CDC42BPB: variants seen among roughly 807,000 people sequenced by gnomAD.
CDC42BPB encodes the protein serine/threonine-protein kinase MRCK beta.
CDC42BPB carries 37 observed loss-of-function variants against 214.9 expected under a neutral mutation model. The ratio of observed to expected loss-of-function variants is 0.17; its 90% confidence interval spans 0.13 to 0.23. The LOEUF (loss-of-function observed/expected upper bound fraction) is 0.23, where lower values mean the gene tolerates loss of function less well. Among genes scored for constraint, CDC42BPB ranks in the 10% least tolerant of loss-of-function variants. The pLI, the probability that CDC42BPB is intolerant of heterozygous loss-of-function variation, is 1.00. For missense variants in CDC42BPB, 1,694 were observed against 2,227.0 expected (o/e 0.76, Z 4.82); for synonymous variants, 931 against 884.0 (o/e 1.05, Z -0.94).
intron 1 of CDC42BPB, among the ~76,000 whole-genome samples, chr14:103,054,012 T>C (rs1371761642): frequency 5.3e-5 from 8 of 151,912 alleles, no homozygotes. Flanking sequence ...AGCTAATTTT[T>C]ATATTTTTAT....
At chr14:103,019,025 C>T (rs1886624798) in intron 1 of CDC42BPB, among the ~76,000 whole-genome samples, 1 of 152,130 alleles carries the variant, frequency 6.6e-6, no homozygotes, top group Non-Finnish European at 1.5e-5. Context: ...CTCACTGCAG[C>T]CTCCACTTCC....
intron 8 of CDC42BPB, among the ~76,000 whole-genome samples, chr14:102,979,199 T>G (rs150953854): frequency 5.3e-5 from 8 of 151,686 alleles, no homozygotes; most frequent in African/African-American, 1.9e-4. Context: ...TCGGTGCAAA[T>G]AGATTTAACT....
At chr14:102,946,077 C>T (rs1270250489) in intron 28 of CDC42BPB, among the ~76,000 whole-genome samples, 11 of 151,768 alleles carry the variant, frequency 7.2e-5, no homozygotes, top group Non-Finnish European at 1.3e-4. Context: ...GGTGTGATCT[C>T]GGCTCACTGT....
At chr14:102,964,689 T>A in intron 18 of CDC42BPB, 39 bp from the exon 19 acceptor site, 1 of 1,566,006 alleles carries the variant, frequency 6.4e-7, no homozygotes, top group East Asian at 2.3e-5. Flanking sequence ...GCATTTTCAG[T>A]TATCCGCTTG....
rs146960467 is a variant in CDC42BPB at position 103,034,236 on chromosome 14, G to A, written c.176-22048C>T. Among the ~76,000 whole-genome samples the A allele has an allele frequency of 4.4e-4, 67 of 152,292 alleles. 2 individuals are homozygous for A. In the East Asian group the frequency reaches 0.012, roughly 28 times the overall value. On this transcript the variant is annotated intron_variant, in intron 1 of 36. Coordinates refer to ENST00000361246, the MANE Select transcript of CDC42BPB (RefSeq NM_006035.4). Reference sequence around the variant, plus strand: ...AAACTTTATTTTTAAAAACATTTAAGGCCAGGCGTGATGGCTCATGCCTAT... The same window carrying A: ...AAACTTTATTTTTAAAAACATTTAAAGCCAGGCGTGATGGCTCATGCCTAT...
At chr14:103,048,348 A>AGCCTG (rs1022885454) in intron 1 of CDC42BPB, among the ~76,000 whole-genome samples, 9 of 151,924 alleles carry the variant, frequency 5.9e-5, no homozygotes, top group African/African-American at 1.9e-4. Flanking sequence ...GTTCAAGATC[A>AGCCTG]GCCTGGCCAA....
At chr14:103,042,180 C>CA (rs1888037979) in intron 1 of CDC42BPB, 1 of 157,098 alleles carries the variant, frequency 6.4e-6, no homozygotes, top group African/African-American at 2.4e-5. Context: ...ACCTGTGCTT[C>CA]AAAGGATACC....
At chr14:103,047,279 C>CTCAA (rs1566926227) in intron 1 of CDC42BPB, among the ~76,000 whole-genome samples, 48 of 93,454 alleles carry the variant, frequency 5.1e-4, no homozygotes, top group African/African-American at 1.3e-3. Context: ...GTAATACTCT[C>CTCAA]AAAAAAAAAA....
intron 1 of CDC42BPB, among the ~76,000 whole-genome samples, chr14:103,028,126 T>C (rs1008760738): frequency 1.3e-5 from 2 of 152,024 alleles, no homozygotes; most frequent in South Asian, 2.1e-4. Context: ...CAAGACTCCT[T>C]CTCAAAAATA....
chr14:102,966,239 G>T, intron 18 of CDC42BPB, 43 bp downstream of exon 18: 1 of 1,387,292 alleles, frequency 7.2e-7, no homozygotes, highest in Non-Finnish European at 1.0e-6. Context: ...AACCATTAGC[G>T]AATTATTCAG....
At chr14:102,990,582 CCT>C (rs1164961138) in intron 5 of CDC42BPB, among the ~76,000 whole-genome samples, 2 of 152,142 alleles carry the variant, frequency 1.3e-5, no homozygotes, top group African/African-American at 4.8e-5. Context: ...TGTGTCTATA[CCT>C]CTGTTACTAC....
intron 1 of CDC42BPB, among the ~76,000 whole-genome samples, chr14:103,020,674 G>T (rs1886721674): frequency 6.6e-6 from 1 of 152,214 alleles, no homozygotes; most frequent in Non-Finnish European, 1.5e-5. Flanking sequence ...CCCCGTGAGA[G>T]AGAGAGCACA....
In CDC42BPB at chr14:102,944,984, A is replaced by G. The variant is rs1892088090; in HGVS notation, c.3812-497T>C. Among the ~76,000 whole-genome samples the G allele has an allele frequency of 6.6e-6, 1 of 151,812 alleles. No individual in the cohort carries two copies. The highest frequency in any genetic ancestry group is 2.4e-5 in the African/African-American group (1 of 41,282). On this transcript the variant is annotated intron_variant, in intron 29 of 36. Transcript: ENST00000361246. The surrounding 1 kb of genome is among the most constrained non-coding windows in gnomAD (Gnocchi z 6.6). The stretch of plus-strand genomic sequence containing the variant: ...GGCCCCCAGTGAAGACACTGCCCTC[A>G]CACTCACACGGCCCCCAGTGAAGAC...
intron 26 of CDC42BPB, chr14:102,948,068 T>A: frequency 1.5e-6 from 1 of 668,470 alleles, no homozygotes; most frequent in Non-Finnish European, 1.8e-6. Flanking sequence ...ACTATGCCAG[T>A]TACAGAAGAC....
chr14:102,944,426 C>T lies in CDC42BPB; in HGVS notation c.3873G>A (p.Lys1291=). 1 of 1,613,056 alleles carries T rather than the reference C, an allele frequency of 6.2e-7. No individual in the cohort carries two copies. The highest frequency in any genetic ancestry group is 8.5e-7 in the Non-Finnish European group (1 of 1,180,000). ...TCCGGCCACAGAGGAGGATTACGAT[C>T]TTCTCCCTGGGAGCAAGCTCGATCT... The part of the protein sequence containing the change: ...VHQIELAPRE[K]IVILLCGRNH... Residue 1291 remains lysine, a synonymous_variant, in exon 30 of 37, where the codon AAG becomes AAA. Transcript: ENST00000361246. The surrounding 1 kb of genome is among the most constrained non-coding windows in gnomAD (Gnocchi z 6.6).
chr14:103,005,105 T>G (rs559168800), intron 3 of CDC42BPB, among the ~76,000 whole-genome samples: 1 of 151,402 alleles, frequency 6.6e-6, no homozygotes, highest in African/African-American at 2.4e-5. Flanking sequence ...GAGGCGGAGC[T>G]TGCAGTGAGC....
chr14:102,968,876 C>G (rs570459069), intron 14 of CDC42BPB, 160 bp from the exon 15 acceptor site: 1 of 985,468 alleles, frequency 1.0e-6, no homozygotes, highest in East Asian at 1.1e-4. Flanking sequence ...TAACGTGATC[C>G]AGGTTCTAGG....
Position 102,961,333 on chromosome 14 carries a change from CCT to C in CDC42BPB, c.2822-1625_2822-1624del, listed in dbSNP as rs1491509893. ...GACACACAAAAAATTTTGAAAACCA[CCT>C]TTTTTTTTTTTTCTTGACAGACGGA... On this transcript the variant is annotated intron_variant, in intron 20 of 36. Coordinates refer to ENST00000361246, the MANE Select transcript of CDC42BPB (RefSeq NM_006035.4). Among the ~76,000 whole-genome samples the C allele has an allele frequency of 3.3e-5, 5 of 151,912 alleles. No individual in the cohort carries two copies. The East Asian group carries it at 9.7e-4, about 29-fold the overall frequency.
chr14:102,999,657 A>G lies in CDC42BPB; in HGVS notation c.504T>C (p.Phe168=), dbSNP rs757009246. The G allele has an allele frequency of 1.1e-5, 17 of 1,614,106 alleles. No individual in the cohort carries two copies. Among genetic ancestry groups the G allele is most frequent in the Non-Finnish European group, 1.4e-5 (16 of 1,180,046 alleles). Reference sequence around the variant, plus strand: ...CCATATCTTCCGGAAGCTTGTCTTCAAATTTGCTGAGCAGGGTCAGTAAAT... The same window carrying G: ...CCATATCTTCCGGAAGCTTGTCTTCGAATTTGCTGAGCAGGGTCAGTAAAT... ...GGDLLTLLSK[F]EDKLPEDMAR... The change falls in exon 5 of 37, where the codon TTT becomes TTC. Residue 168 remains phenylalanine, a synonymous_variant. Transcript: ENST00000361246.
Sources: gnomAD v4.1 joint callset for allele counts (sites outside exome capture counted in the v4.1 genomes callset) on GRCh38, gnomAD v4.1.1 for gene constraint, Gnocchi (gnomAD v3.1) non-coding constraint, MANE v1.5 for transcripts, NCBI Gene and HGNC (gene_info 2026-07-23, HGNC 2026-07-21) for gene names.